The following LRRTM4 variants were observed in gnomAD, a reference collection of about 807,000 sequenced individuals.
LRRTM4 encodes the protein leucine rich repeat transmembrane neuronal 4, also known as leucine-rich repeat transmembrane neuronal protein 4.
Under a neutral mutation model 47.6 loss-of-function variants are expected in LRRTM4, and 25 were observed. The ratio of observed to expected loss-of-function variants is 0.53; its 90% CI spans 0.38 to 0.73. LRRTM4 has a LOEUF of 0.73. Ranked by LOEUF, LRRTM4 falls within the 30% of genes least tolerant of loss-of-function variation. The probability of loss-of-function intolerance (pLI) is 0.00; values close to 1 mark genes in which losing one functional copy is unlikely to be tolerated. For synonymous variants in LRRTM4, 311 were observed against 269.5 expected, an observed-to-expected ratio of 1.15 and a Z score of -1.51; for missense variants, 638 against 713.4, an observed-to-expected ratio of 0.89 and a Z score of 1.20.
intron 3 of LRRTM4, among the ~76,000 whole-genome samples, chr2:76,983,019 TTAAA>T (rs1398206256): frequency 3.3e-5 from 5 of 151,898 alleles, no homozygotes; most frequent in Admixed American, 6.6e-5. Flanking sequence ...ACATATCAAA[TTAAA>T]TAAAGACACA....
intron 3 of LRRTM4, among the ~76,000 whole-genome samples, chr2:77,367,872 C>G (rs1206851249): frequency 6.6e-6 from 1 of 151,848 alleles, no homozygotes; most frequent in Non-Finnish European, 1.5e-5. Context: ...TGTAGCTGCA[C>G]TGTTCAACAC....
chr2:76,908,180 T>G (rs1403234679), intron 3 of LRRTM4, among the ~76,000 whole-genome samples: 2 of 149,712 alleles, frequency 1.3e-5, no homozygotes, highest in Non-Finnish European at 3.0e-5. Context: ...GATGCAAGGC[T>G]GGTTCAATAT....
At chr2:77,035,373 A>G (rs762682070) in intron 3 of LRRTM4, among the ~76,000 whole-genome samples, 3 of 151,912 alleles carry the variant, frequency 2.0e-5, no homozygotes, top group Non-Finnish European at 2.9e-5. Context: ...TAACCTGGCT[A>G]TTGACATTGG....
At chr2:77,152,403 ACTG>A (rs1672453495) in intron 3 of LRRTM4, among the ~76,000 whole-genome samples, 1 of 151,902 alleles carries the variant, frequency 6.6e-6, no homozygotes, top group Admixed American at 6.6e-5. Context: ...ATCTCGGCTC[ACTG>A]CAACCTCTGC....
chr2:77,353,454 C>T (rs898744284), intron 3 of LRRTM4, among the ~76,000 whole-genome samples: 16 of 152,010 alleles, frequency 1.1e-4, no homozygotes, highest in African/African-American at 2.9e-4. Context: ...ATGGCTAACT[C>T]ATAATACAAA....
chr2:77,170,984 A>G (rs2103833585), intron 3 of LRRTM4, among the ~76,000 whole-genome samples: 1 of 150,994 alleles, frequency 6.6e-6, no homozygotes, highest in African/African-American at 2.4e-5. Context: ...GTACACATAT[A>G]TATTAGCTTT....
chr2:76,988,637 C>A (rs1163069873), intron 3 of LRRTM4, among the ~76,000 whole-genome samples: 2 of 151,776 alleles, frequency 1.3e-5, no homozygotes, highest in East Asian at 1.9e-4. Context: ...TTTGTAGAGG[C>A]TATAAACTTA....
intron 3 of LRRTM4, among the ~76,000 whole-genome samples, chr2:77,035,958 C>T (rs1470351211): frequency 6.6e-6 from 1 of 151,788 alleles, no homozygotes; most frequent in African/African-American, 2.4e-5. Context: ...TCAACCATAC[C>T]TCTCTAGAGT....
chr2:77,357,054 AC>A (rs980496607), intron 3 of LRRTM4, among the ~76,000 whole-genome samples: 3 of 152,170 alleles, frequency 2.0e-5, no homozygotes, highest in Non-Finnish European at 4.4e-5. Context: ...TAGATACTAT[AC>A]TTTACATTTA....
rs3058032 is a variant in LRRTM4 at position 77,049,122 on chromosome 2, TTATATATA to T, written c.1552-300214_1552-300207del. Among the ~76,000 whole-genome samples, 218 of 62,676 alleles carry T rather than the reference TTATATATA, an allele frequency of 3.5e-3. 4 individuals carry two copies. The highest frequency in any genetic ancestry group is 0.011 in the Middle Eastern group (1 of 92). The allele number at this position is 62,676 out of a possible 152,430, so 41.1% of individuals were successfully genotyped here. ...TTTTGACTAAATAATATTTCATTTT[TTATATATA>T]TATATATATATATATATATATATAT... On this transcript the variant is annotated intron_variant, in intron 3 of 3. Coordinates refer to ENST00000409884, the MANE Select transcript of LRRTM4 (RefSeq NM_001134745.3).
intron 3 of LRRTM4, among the ~76,000 whole-genome samples, chr2:77,192,881 T>C (rs1244842180): frequency 6.6e-6 from 1 of 152,198 alleles, no homozygotes; most frequent in Non-Finnish European, 1.5e-5. Context: ...GCACAAACTA[T>C]AAGCCGTGCA....
chr2:76,851,166 G>C (rs1440894526), intron 3 of LRRTM4, among the ~76,000 whole-genome samples: 1 of 152,146 alleles, frequency 6.6e-6, no homozygotes, highest in African/African-American at 2.4e-5. Flanking sequence ...GTAAATTTCA[G>C]GTGATTTACA....
intron 3 of LRRTM4, among the ~76,000 whole-genome samples, chr2:77,148,291 A>G (rs1003520794): frequency 2.0e-5 from 3 of 152,270 alleles, no homozygotes; most frequent in Non-Finnish European, 2.9e-5. Context: ...ATGATTTGGC[A>G]TATCTTAAAA....
intron 3 of LRRTM4, among the ~76,000 whole-genome samples, chr2:76,861,096 T>G (rs1672298665): frequency 6.6e-6 from 1 of 152,126 alleles, no homozygotes; most frequent in African/African-American, 2.4e-5. Flanking sequence ...CTGGTAAGTG[T>G]TTTTTGATAA....
intron 3 of LRRTM4, among the ~76,000 whole-genome samples, chr2:77,036,870 C>T (rs1019082986): frequency 1.3e-5 from 2 of 151,670 alleles, no homozygotes; most frequent in African/African-American, 4.8e-5. Context: ...TTAAATCAAT[C>T]TGCTGATCAA....
At chr2:76,781,468 T>C (rs1003988255) in intron 3 of LRRTM4, among the ~76,000 whole-genome samples, 10 of 152,366 alleles carry the variant, frequency 6.6e-5, no homozygotes, top group African/African-American at 2.2e-4. Flanking sequence ...GGCCCCTTTT[T>C]TAAGCCCGTC....
intron 3 of LRRTM4, among the ~76,000 whole-genome samples, chr2:76,815,210 T>G (rs186590439): frequency 2.6e-5 from 4 of 152,276 alleles, no homozygotes; most frequent in African/African-American, 9.6e-5. Context: ...TTATAGCTGA[T>G]GGGCCCACTG....
rs191974430 is a variant in LRRTM4 at position 77,420,590 on chromosome 2, A to G, written c.1551+97728T>C. Among the ~76,000 whole-genome samples, 23 of 151,668 alleles carry G rather than the reference A, an allele frequency of 1.5e-4. No individual in the cohort carries two copies. In the East Asian group the frequency reaches 4.6e-3, roughly 30 times the overall value. On this transcript the variant is annotated intron_variant, in intron 3 of 3. Coordinates refer to ENST00000409884, the MANE Select transcript of LRRTM4 (RefSeq NM_001134745.3). ...TAAGGAAAAAGCTATTCATACTGAA[A>G]TGGAAATGGAAATATGACTTCGTAG...
intron 3 of LRRTM4, among the ~76,000 whole-genome samples, chr2:77,117,415 AT>A (rs1205076090): frequency 6.6e-6 from 1 of 151,908 alleles, no homozygotes; most frequent in African/African-American, 2.4e-5. Context: ...ATTTTTACTT[AT>A]AAAAATTGAA....
Sources: gnomAD v4.1 joint callset for allele counts (sites outside exome capture counted in the v4.1 genomes callset) on GRCh38, gnomAD v4.1.1 for gene constraint, MANE v1.5 for transcripts, NCBI Gene and HGNC (gene_info 2026-07-23, HGNC 2026-07-21) for gene names.